Variants in NOTCH2 observed in about 807,000 individuals in gnomAD.
NOTCH2 encodes the protein notch receptor 2.
Under a neutral mutation model 235.8 loss-of-function variants are expected in NOTCH2, and 29 were observed. That is an observed-to-expected ratio of 0.12 (90% CI 0.09 to 0.17). The LOEUF (loss-of-function observed/expected upper bound fraction) is 0.17, where lower values mean the gene tolerates loss of function less well. Among genes scored for constraint, NOTCH2 ranks in the 10% least tolerant of loss-of-function variants. The pLI is 1.00. For missense variants in NOTCH2, 2,285 were observed against 3,150.2 expected, an observed-to-expected ratio of 0.73 and a Z score of 6.57; for synonymous variants, 1,086 against 1,141.5, an observed-to-expected ratio of 0.95 and a Z score of 0.98.
intron 22 of NOTCH2, 197 bp downstream of exon 22, chr1:119,935,275 A>G: frequency 4.7e-6 from 7 of 1,503,300 alleles, no homozygotes; most frequent in Non-Finnish European, 6.2e-6. Context: ...GATAAAACTG[A>G]CAACATAAAC....
At chr1:119,938,837 C>T (rs1318261635) in intron 19 of NOTCH2, among the ~76,000 whole-genome samples, 1 of 152,144 alleles carries the variant, frequency 6.6e-6, no homozygotes, top group African/African-American at 2.4e-5. Context: ...CCCGCTACCA[C>T]ACCCGGCTAA....
chr1:119,942,391 C>T (rs1553196572), intron 17 of NOTCH2, among the ~76,000 whole-genome samples: 2 of 152,180 alleles, frequency 1.3e-5, no homozygotes, highest in African/African-American at 2.4e-5. Flanking sequence ...TAAGCTGTAG[C>T]TATGGCTCTT....
chr1:120,069,392 G>C lies in NOTCH2; in HGVS notation c.15C>G (p.Arg5=), dbSNP rs4021006. MPAL[R]PALLWALLAL... The stretch of plus-strand genomic sequence containing the variant: ...CCAGCAGCGCCCACAGCAGAGCGGG[G>C]CGCAGGGCGGGCATCTTCTCGGTCG... The change falls in exon 1 of 34, where the codon CGC becomes CGG. Residue 5 remains arginine, a synonymous_variant. Coordinates refer to ENST00000256646, the MANE Select transcript of NOTCH2 (RefSeq NM_024408.4). 27,948 of 1,549,134 alleles carry C rather than the reference G, an allele frequency of 0.018. 287 individuals are homozygous for C. The highest frequency in any genetic ancestry group is 0.022 in the Non-Finnish European group (24,967 of 1,156,310).
intron 1 of NOTCH2, among the ~76,000 whole-genome samples, chr1:120,067,349 T>C (rs1264890298): frequency 6.6e-6 from 1 of 151,040 alleles, no homozygotes; most frequent in Non-Finnish European, 1.5e-5. Context: ...AACACTCAAC[T>C]TGACTACCTA....
intron 22 of NOTCH2, among the ~76,000 whole-genome samples, chr1:119,934,156 T>A (rs782164790): frequency 6.6e-6 from 1 of 152,234 alleles, no homozygotes; most frequent in African/African-American, 2.4e-5. Flanking sequence ...TAAAATGTGA[T>A]CTCCAATGTT....
rs1570673515 is a variant in NOTCH2 at position 119,937,197 on chromosome 1, A to G, written c.3522+85T>C. ...CTATAAACTATCAATATAAGATACA[A>G]GCAGCTAAATTCAATATATCAGTGC... On this transcript the variant is annotated intron_variant, in intron 21 of 33. Transcript: ENST00000256646. 5 of 1,293,542 alleles carry G rather than the reference A, an allele frequency of 3.9e-6. No homozygotes were observed. The Admixed American group carries it at 6.7e-5, about 17-fold the overall frequency. The allele number at this position is 1,293,542 out of a possible 1,614,324, so 80.1% of individuals were successfully genotyped here.
In NOTCH2 at chr1:119,940,580, A is replaced by AG; in HGVS notation, c.3157dup (p.Leu1053ProfsTer21). 6.2e-7 allele frequency: 1 copy of AG among 1,613,932 alleles called. No homozygotes were observed. The highest frequency in any genetic ancestry group is 8.5e-7 in the Non-Finnish European group (1 of 1,179,908). On this transcript the variant is annotated frameshift_variant, in exon 19 of 34. Transcript: ENST00000256646. LOFTEE classifies it high-confidence loss of function. The stretch of plus-strand genomic sequence containing the variant: ...CTGACAGTTTTTCCCAGTGTAGCCC[A>AG]GGGGGCAGCTGCAGCGGTAGGTACC...
At chr1:119,987,790 C>G (rs1241688293) in intron 4 of NOTCH2, among the ~76,000 whole-genome samples, 1 of 152,164 alleles carries the variant, frequency 6.6e-6, no homozygotes, top group East Asian at 1.9e-4. Flanking sequence ...TTATTACTAA[C>G]TAAGCTTACC....
intron 13 of NOTCH2, among the ~76,000 whole-genome samples, chr1:119,954,493 A>G (rs1553198178): frequency 6.6e-6 from 1 of 152,240 alleles, no homozygotes; most frequent in Non-Finnish European, 1.5e-5. Flanking sequence ...CAGCAAGAGT[A>G]TAAGAGCGTC....
chr1:120,011,520 T>C (rs1411816774), intron 2 of NOTCH2, among the ~76,000 whole-genome samples: 2 of 152,220 alleles, frequency 1.3e-5, no homozygotes, highest in Non-Finnish European at 2.9e-5. Flanking sequence ...ATAGTAGTCA[T>C]AATAATCAGA....
At chr1:119,965,359 T>C in intron 10 of NOTCH2, 94 bp downstream of exon 10, 4 of 989,358 alleles carry the variant, frequency 4.0e-6, no homozygotes, top group Non-Finnish European at 6.5e-6. Flanking sequence ...GGGAGTGGAC[T>C]GGCCTGGCAC....
At position 119,969,560 on chromosome 1, in the gene NOTCH2, G is replaced by A; in HGVS notation, c.1059C>T (p.Cys353=). Reference sequence around the variant, plus strand: ...AAGAGAAGGAGGCCACACGGTCGATGCAGGTGGAGCCTGGAGTACAGGAGG... The same window carrying A: ...AAGAGAAGGAGGCCACACGGTCGATACAGGTGGAGCCTGGAGTACAGGAGG... ...AFASCTPGST[C]IDRVASFSCM... is the part of the protein sequence containing the mutation. The change falls in exon 6 of 34, where the codon TGC becomes TGT. Residue 353 remains cysteine (C), a synonymous_variant. Transcript: ENST00000256646. 1.2e-6 allele frequency: 2 copies of A among 1,614,070 alleles called. No individual in the cohort carries two copies. The highest frequency in any genetic ancestry group is 1.1e-5 in the South Asian group (1 of 91,088).
At chr1:119,919,745 T>C in intron 30 of NOTCH2, 132 bp from the exon 31 acceptor site, 1 of 867,054 alleles carries the variant, frequency 1.2e-6, no homozygotes, top group Non-Finnish European at 1.8e-6. Context: ...AGTAACTGGT[T>C]ATTAGTTTCA....
At chr1:119,962,590 T>G (rs1444591818) in intron 11 of NOTCH2, among the ~76,000 whole-genome samples, 1 of 152,174 alleles carries the variant, frequency 6.6e-6, no homozygotes, top group East Asian at 1.9e-4. Flanking sequence ...TTGACAAATT[T>G]GAAGAAATGG....
At position 119,922,307 on chromosome 1, in the gene NOTCH2, A is replaced by G. The variant is rs2101154302; in HGVS notation, c.5142T>C (p.Gly1714=). ...TGCTTGCATCTCGGCGAAGAGTGAA[A>G]CCTTCAGGCAGCCAGAGAGAGCCAT... ...RKHGSLWLPE[G]FTLRRDASNH... is the part of the protein sequence containing the mutation. The change falls in exon 28 of 34, where the codon GGT becomes GGC. Residue 1714 remains glycine, a synonymous_variant. Transcript: ENST00000256646. 6.2e-7 allele frequency: 1 copy of G among 1,614,106 alleles called. No homozygotes were observed. Among genetic ancestry groups the G allele is most frequent in the Admixed American group, 1.7e-5 (1 of 60,012 alleles).
Position 119,915,930 on chromosome 1 carries a change from G to A in NOTCH2, c.6792C>T (p.Tyr2264=), listed in dbSNP as rs1385341971. The A allele has an allele frequency of 6.2e-7, 1 of 1,614,060 alleles. No homozygotes were observed. Among genetic ancestry groups the A allele is most frequent in the African/African-American group, 1.3e-5 (1 of 74,934 alleles). Residue 2264 remains tyrosine, a synonymous_variant, in exon 34 of 34, where the codon TAC becomes TAT. Transcript: ENST00000256646. ...MNRMEVNETQ[Y]NEMFGMVLAP... is the part of the protein sequence containing the mutation. ...CCAGGACCATACCAAACATCTCATT[G>A]TACTGGGTCTCATTCACCTCCATGC...
At chr1:119,942,538 C>T (rs1650097866) in intron 17 of NOTCH2, among the ~76,000 whole-genome samples, 1 of 152,102 alleles carries the variant, frequency 6.6e-6, no homozygotes, top group Non-Finnish European at 1.5e-5. Flanking sequence ...GAACTAATTC[C>T]CTTATAAGAC....
intron 3 of NOTCH2, among the ~76,000 whole-genome samples, chr1:120,002,364 C>T (rs1378736682): frequency 2.7e-5 from 4 of 149,940 alleles, no homozygotes; most frequent in African/African-American, 7.3e-5. Flanking sequence ...TACTCCAGAA[C>T]GGAGGTAAGA....
rs587630928 is a variant in NOTCH2, at chr1:119,980,336, A to G, written c.874+6624T>C. ...AAAACTGTAAGAGTAAACCCCTCCC[A>G]ATAATCCACTTCATTAGCCAACGCC... On this transcript the variant is annotated intron_variant, in intron 5 of 33. Transcript: ENST00000256646. Among the ~76,000 whole-genome samples the G allele has an allele frequency of 6.1e-4, 93 of 152,272 alleles. 1 individual carries two copies. Among genetic ancestry groups the G allele is most frequent in the Middle Eastern group, 6.8e-3 (2 of 294 alleles).
Sources: allele counts gnomAD v4.1 joint callset (sites outside exome capture counted in the v4.1 genomes callset), GRCh38; gene constraint gnomAD v4.1.1; transcripts MANE v1.5; gene names NCBI Gene and HGNC (gene_info 2026-07-23, HGNC 2026-07-21).